Variants in PGGHG observed in about 807,000 individuals in gnomAD.
PGGHG encodes ATH1, acid trehalase-like 1.
PGGHG carries 67 observed loss-of-function variants against 74.5 expected under a neutral mutation model. That is an observed-to-expected ratio of 0.90 (90% CI 0.74 to 1.10). The LOEUF is 1.10. Among genes scored for constraint, PGGHG ranks in the 50% least tolerant of loss-of-function variants. The probability of loss-of-function intolerance (pLI) is 0.00; values close to 1 mark genes in which losing one functional copy is unlikely to be tolerated. For missense variants in PGGHG, 1,034 were observed against 981.5 expected, an observed-to-expected ratio of 1.05 and a Z score of -0.72; for synonymous variants, 496 against 419.9, an observed-to-expected ratio of 1.18 and a Z score of -2.21.
At chr11:293,752 TCCTAC>T in intron 10 of PGGHG, 25 bp downstream of exon 10, 2 of 1,613,298 alleles carry the variant, frequency 1.2e-6, no homozygotes, top group South Asian at 2.2e-5. Flanking sequence ...GCTGTGGAGT[TCCTAC>T]CCCATTGGCC....
rs781230279 is a variant in PGGHG, at chr11:293,423, GC to G, written c.1402del (p.Leu468TrpfsTer30). ...DLGLPIPSQW[L>X]AVADKIKVPF... is the part of the protein sequence containing the mutation. Reference sequence around the variant, plus strand: ...TGGGTCTTCCCATCCCCAGCCAGTGGCTGGCGGTGGCTGACAAGATCAAGGT... The same window carrying G: ...TGGGTCTTCCCATCCCCAGCCAGTGGTGGCGGTGGCTGACAAGATCAAGGT... On this transcript the variant is annotated frameshift_variant, in exon 9 of 14. Coordinates refer to ENST00000409548, the MANE Select transcript of PGGHG (RefSeq NM_025092.5). LOFTEE classifies it high-confidence loss of function. 1.1e-5 allele frequency: 18 copies of G among 1,612,382 alleles called. No homozygotes were observed. The highest frequency in any genetic ancestry group is 6.7e-5 in the Admixed American group (4 of 59,990).
chr11:289,857 A>G lies in PGGHG; in HGVS notation c.41A>G (p.His14Arg), dbSNP rs1486894602. 6.4e-7 allele frequency: 1 copy of G among 1,550,682 alleles called. No homozygotes were observed. ...GAGGACCCCACCACGTTTGCTGCCC[A>G]CTCTCTGCCCAGTGACCCCCGTCTC... Reference protein sequence around the residue: ...AGEDPTTFAAHSLPSDPRLLA... With the variant: ...AGEDPTTFAARSLPSDPRLLA... The change falls in exon 2 of 14, where the codon CAC becomes CGC. Residue 14 changes from histidine to arginine, a missense_variant. Coordinates refer to ENST00000409548, the MANE Select transcript of PGGHG (RefSeq NM_025092.5). The surrounding 1 kb of genome is among the most constrained non-coding windows in gnomAD (Gnocchi z 5.6).
chr11:294,026 C>T (rs1467313193), intron 11 of PGGHG, 73 bp from the exon 12 acceptor site: 6 of 1,575,458 alleles, frequency 3.8e-6, no homozygotes, highest in South Asian at 1.2e-5. Context: ...AGCTTCCTGC[C>T]GGATCTTGGG....
Position 291,005 on chromosome 11 carries a change from C to T in PGGHG, c.798C>T (p.Ala266=). 6.2e-7 allele frequency: 1 copy of T among 1,612,728 alleles called. No individual in the cohort carries two copies. ...LRGSLYYLLS[A]LPQPKAPGYI... ...GCTCCCTCTACTACCTGCTCAGTGC[C>T]CTGCCCCAGCCCAAGGCCCCAGGAT... Residue 266 remains alanine (A), a synonymous_variant, in exon 4 of 14, where the codon GCC becomes GCT. Coordinates refer to ENST00000409548, the MANE Select transcript of PGGHG (RefSeq NM_025092.5).
In PGGHG at chr11:294,690, G is replaced by A; in HGVS notation, c.2155G>A (p.Val719Ile). 6.2e-7 allele frequency: 1 copy of A among 1,613,392 alleles called. No homozygotes were observed. Among genetic ancestry groups the A allele is most frequent in the Non-Finnish European group, 8.5e-7 (1 of 1,179,884 alleles). Residue 719 changes from valine to isoleucine, a missense_variant, in exon 14 of 14, where the codon GTC (valine) becomes ATC (isoleucine). Coordinates refer to ENST00000409548, the MANE Select transcript of PGGHG (RefSeq NM_025092.5). ...VRDPLQSPLW[V>I]TLGSSSPTES... is the part of the protein sequence containing the mutation. ...GGACCCGCTCCAGAGCCCCCTCTGG[G>A]TCACCCTGGGTTCCTCCAGCCCCAC...
intron 4 of PGGHG, 147 bp from the exon 5 acceptor site, chr11:291,829 G>A (rs1845731374): frequency 1.7e-6 from 2 of 1,189,494 alleles, no homozygotes; most frequent in African/African-American, 1.6e-5. Context: ...GGGTGGGCAG[G>A]TGGGGAGGGC....
intron 7 of PGGHG, 50 bp downstream of exon 7, chr11:293,047 G>T (rs1278028916): frequency 6.2e-7 from 1 of 1,613,878 alleles, no homozygotes; most frequent in Non-Finnish European, 8.5e-7. Flanking sequence ...GATGCTCCCA[G>T]ACTCAGCAGA....
chr11:289,904 T>G lies in PGGHG; in HGVS notation c.88T>G (p.Tyr30Asp), dbSNP rs1845663897. The change falls in exon 2 of 14, where the codon TAC (tyrosine) becomes GAC (aspartate). Residue 30 changes from tyrosine to aspartate, a missense_variant. Transcript: ENST00000409548. This position sits in a 1 kb window ranked among gnomAD's most constrained non-coding sequence, Gnocchi z 5.6. ...PRLLATVTNA[Y>D]LGTRVFHDTL... ...TCTCTTGGCCACTGTGACCAACGCATACCTGGGCACACGAGTGTTTCACGA... is the reference window on the plus strand; with the variant it reads ...TCTCTTGGCCACTGTGACCAACGCAGACCTGGGCACACGAGTGTTTCACGA... 1.3e-6 allele frequency: 2 copies of G among 1,550,946 alleles called. No individual in the cohort carries two copies. The highest frequency in any genetic ancestry group is 1.7e-6 in the Non-Finnish European group (2 of 1,146,906).
intron 2 of PGGHG, 116 bp downstream of exon 2, chr11:290,191 G>A: frequency 7.0e-7 from 1 of 1,426,182 alleles, no homozygotes; most frequent in Non-Finnish European, 9.2e-7. Flanking sequence ...GTCTCACTAA[G>A]ACAGGAGGCC....
At position 289,706 on chromosome 11, in the gene PGGHG, C is replaced by A. The variant is rs917114332; in HGVS notation, c.-13-98C>A. The A allele has an allele frequency of 7.2e-7, 1 of 1,382,356 alleles. No homozygotes were observed. The highest frequency in any genetic ancestry group is 2.6e-4 in the Middle Eastern group (1 of 3,802). The allele number at this position is 1,382,356 out of a possible 1,614,324, so 85.6% of individuals were successfully genotyped here. A position where few individuals can be genotyped will look rare whatever the true frequency, so the allele number is the denominator to read the frequency against. On this transcript the variant is annotated intron_variant, in intron 1 of 13. Transcript: ENST00000409548. The surrounding 1 kb of genome is among the most constrained non-coding windows in gnomAD (Gnocchi z 5.6). ...GGGCTGCCCAGCTGGTTCCGCAACTCCCCCCAGTTCTGAGGGAGGCTTCAG... is the reference window on the plus strand; with the variant it reads ...GGGCTGCCCAGCTGGTTCCGCAACTACCCCCAGTTCTGAGGGAGGCTTCAG...
chr11:293,424 C>G lies in PGGHG; in HGVS notation c.1402C>G (p.Leu468Val), dbSNP rs1845786216. 6.2e-7 allele frequency: 1 copy of G among 1,612,512 alleles called. No homozygotes were observed. Among genetic ancestry groups the G allele is most frequent in the Non-Finnish European group, 8.5e-7 (1 of 1,179,974 alleles). Residue 468 changes from leucine to valine, a missense_variant, in exon 9 of 14, where the codon CTG becomes GTG. Leu to Val is a conservative substitution (Grantham distance 32, BLOSUM62 1). Transcript: ENST00000409548. ...DLGLPIPSQW[L>V]AVADKIKVPF... is the part of the protein sequence containing the mutation. ...GGGTCTTCCCATCCCCAGCCAGTGG[C>G]TGGCGGTGGCTGACAAGATCAAGGT... is the stretch of plus-strand genomic sequence containing the variant.
rs764391787 is a variant in PGGHG at position 293,864 on chromosome 11, A to G, written c.1649A>G (p.Asp550Gly). The G allele has an allele frequency of 1.2e-6, 2 of 1,613,636 alleles. No homozygotes were observed. Among genetic ancestry groups the G allele is most frequent in the Non-Finnish European group, 1.7e-6 (2 of 1,179,984 alleles). ...MFAVGWMELK[D>G]AVRARGLLDR... Reference sequence around the variant, plus strand: ...GCTGTGGGCTGGATGGAGCTGAAGGACGCAGTGCGGGCCCGGGGCCTCCTG... The same window carrying G: ...GCTGTGGGCTGGATGGAGCTGAAGGGCGCAGTGCGGGCCCGGGGCCTCCTG... Residue 550 changes from aspartate (D) to glycine (G), a missense_variant, in exon 11 of 14, where the codon GAC becomes GGC. By Grantham distance (94) the Asp-to-Gly change is moderately conservative. Coordinates refer to ENST00000409548, the MANE Select transcript of PGGHG (RefSeq NM_025092.5).
Position 290,792 on chromosome 11 carries a change from T to C in PGGHG, c.585T>C (p.Ala195=). ...PDLTLGEGEE[A]RTWDFLTAVG... ...TGACCCTTGGGGAAGGTGAGGAGGCTAGGACGTGGGACTTCCTGACAGCAG... is the reference window on the plus strand; with the variant it reads ...TGACCCTTGGGGAAGGTGAGGAGGCCAGGACGTGGGACTTCCTGACAGCAG... Residue 195 remains alanine (A), a synonymous_variant, in exon 4 of 14, where the codon GCT becomes GCC. Transcript: ENST00000409548. 2 of 1,612,710 alleles carry C rather than the reference T, an allele frequency of 1.2e-6. No homozygotes were observed. The highest frequency in any genetic ancestry group is 1.7e-6 in the Non-Finnish European group (2 of 1,179,878).
intron 2 of PGGHG, 51 bp downstream of exon 2, chr11:290,126 G>A: frequency 1.3e-6 from 2 of 1,481,488 alleles, no homozygotes; most frequent in Non-Finnish European, 1.8e-6. Flanking sequence ...GTTCCAGGTC[G>A]GTGGGGCAAC....
Position 294,991 on chromosome 11 carries a change from G to GAT in PGGHG, c.*243_*244dup. The GAT allele has an allele frequency of 6.2e-6, 3 of 481,094 alleles. No individual in the cohort carries two copies. Among genetic ancestry groups the GAT allele is most frequent in the Admixed American group, 3.6e-5 (1 of 27,530 alleles). 29.8% of individuals were successfully genotyped at this position (481,094 alleles called of 1,614,324 possible). A position where few individuals can be genotyped will look rare whatever the true frequency, so the allele number is the denominator to read the frequency against. ...CCGCCTCTGCCTGCCCCTGTGGACTGATGCTATCGCGCACCGTCCCACGAC... is the reference window on the plus strand; with the variant it reads ...CCGCCTCTGCCTGCCCCTGTGGACTGATATGCTATCGCGCACCGTCCCACGAC... On this transcript the variant is annotated 3_prime_UTR_variant, in exon 14 of 14. Coordinates refer to ENST00000409548, the MANE Select transcript of PGGHG (RefSeq NM_025092.5).
In PGGHG at chr11:293,626, C is replaced by T; in HGVS notation, c.1513C>T (p.Leu505=). 6.2e-7 allele frequency: 1 copy of T among 1,613,622 alleles called. No homozygotes were observed. The highest frequency in any genetic ancestry group is 8.5e-7 in the Non-Finnish European group (1 of 1,180,002). The change falls in exon 10 of 14, where the codon CTG becomes TTG. Residue 505 remains leucine, a synonymous_variant. Coordinates refer to ENST00000409548, the MANE Select transcript of PGGHG (RefSeq NM_025092.5). ...EVVKQADVVL[L]GYPVPFSLSP... ...GGTGAAGCAGGCAGACGTCGTGCTC[C>T]TGGGATACCCAGTCCCCTTCTCCCT...
chr11:292,907 G>C lies in PGGHG; in HGVS notation c.1180G>C (p.Ala394Pro). Residue 394 changes from alanine (A) to proline (P), a missense_variant, in exon 7 of 14, where the codon GCT (alanine) becomes CCT (proline). Coordinates refer to ENST00000409548, the MANE Select transcript of PGGHG (RefSeq NM_025092.5). The stretch of plus-strand genomic sequence containing the variant: ...CCAGGACCTGCAGCTATTTCGAGAG[G>C]CTGGTGGCTGGGACGTGGTCAGGGC... ...TTQDLQLFRE[A>P]GGWDVVRAVA... The C allele has an allele frequency of 1.2e-6, 2 of 1,614,128 alleles. No homozygotes were observed. Among genetic ancestry groups the C allele is most frequent in the Non-Finnish European group, 8.5e-7 (1 of 1,180,006 alleles).
intron 5 of PGGHG, 50 bp from the exon 6 acceptor site, chr11:292,496 C>T (rs1188219948): frequency 1.3e-6 from 2 of 1,597,920 alleles, no homozygotes; most frequent in African/African-American, 2.7e-5. Context: ...AGTTGGGGGG[C>T]CACCGCTCCC....
In PGGHG at chr11:294,700, G is replaced by C; in HGVS notation, c.2165G>C (p.Gly722Ala). 1 of 1,612,916 alleles carries C rather than the reference G, an allele frequency of 6.2e-7. No homozygotes were observed. Among genetic ancestry groups the C allele is most frequent in the Non-Finnish European group, 8.5e-7 (1 of 1,179,656 alleles). ...CAGAGCCCCCTCTGGGTCACCCTGG[G>C]TTCCTCCAGCCCCACCGAGTCACTC... ...PLQSPLWVTL[G>A]SSSPTESLTV... Residue 722 changes from glycine to alanine, a missense_variant, in exon 14 of 14, where the codon GGT becomes GCT. Transcript: ENST00000409548.
Sources: allele counts gnomAD v4.1 joint callset, GRCh38; gene constraint gnomAD v4.1.1; non-coding constraint Gnocchi (gnomAD v3.1); transcripts MANE v1.5; gene names NCBI Gene and HGNC (gene_info 2026-07-23, HGNC 2026-07-21).